Variants in CNOT3 observed in about 807,000 individuals in gnomAD.
CNOT3 encodes CCR4-associated factor 3.
Under a neutral mutation model 89.4 loss-of-function variants are expected in CNOT3, and 2 were observed. The observed-to-expected ratio is 0.02, with a 90% CI of 0.01 to 0.07. CNOT3 has a LOEUF of 0.07. Ranked by LOEUF, CNOT3 falls within the 10% of genes least tolerant of loss-of-function variation. The probability of loss-of-function intolerance (pLI) is 1.00; values close to 1 mark genes in which losing one functional copy is unlikely to be tolerated. For missense variants in CNOT3, 664 were observed against 1,010.2 expected, an observed-to-expected ratio of 0.66 and a Z score of 4.65; for synonymous variants, 486 against 402.0, an observed-to-expected ratio of 1.21 and a Z score of -2.50.
chr19:54,143,401 T>G lies in CNOT3; in HGVS notation c.94-41T>G, dbSNP rs766873994. On this transcript the variant is annotated intron_variant, in intron 3 of 17. Transcript: ENST00000221232. ...AATCACTGGAGTGGGTACTGGGACA[T>G]CCCCTCCCACACTGACTTCTCAATT... 3 of 1,578,666 alleles carry G rather than the reference T, an allele frequency of 1.9e-6. No individual in the cohort carries two copies. The East Asian group carries it at 6.7e-5, about 35-fold the overall frequency.
chr19:54,152,902 C>A lies in CNOT3; in HGVS notation c.1940C>A (p.Pro647His). ...CCCCGGAACCCCTGTCCGACGCCCC[C>A]CTACCACCACCAGATGCCACCCCCA... ...YLPRNPCPTP[P>H]YHHQMPPPHS... The change falls in exon 16 of 18, where the codon CCC becomes CAC. Residue 647 changes from proline (P) to histidine (H), a missense_variant. By Grantham distance (77) the Pro-to-His change is moderately conservative (BLOSUM62 -2). This residue lies in a region of CNOT3 where 545 missense variants were observed against 566.2 expected (regional missense o/e 0.96). Transcript: ENST00000221232. 3 of 1,576,364 alleles carry A rather than the reference C, an allele frequency of 1.9e-6. No homozygotes were observed. The highest frequency in any genetic ancestry group is 2.6e-6 in the Non-Finnish European group (3 of 1,155,410).
intron 16 of CNOT3, 99 bp from the exon 17 acceptor site, chr19:54,153,616 C>T (rs891757681): frequency 1.2e-5 from 11 of 891,540 alleles, no homozygotes; most frequent in African/African-American, 3.3e-5. Context: ...TGGTCTGTGG[C>T]GGGGGCCGGG....
At chr19:54,153,378 C>T (rs751237488) in intron 16 of CNOT3, 3 of 765,700 alleles carry the variant, frequency 3.9e-6, no homozygotes, top group Admixed American at 1.7e-5. Flanking sequence ...AGCTGTCCAG[C>T]CCCCTCCCAA....
At chr19:54,146,377 C>G (rs1374344100) in intron 9 of CNOT3, among the ~76,000 whole-genome samples, 1 of 152,238 alleles carries the variant, frequency 6.6e-6, no homozygotes, top group East Asian at 1.9e-4. Context: ...GTTCCCAGAT[C>G]CTTAAGAGGC....
At chr19:54,140,010 A>G (rs2074383530) in intron 1 of CNOT3, among the ~76,000 whole-genome samples, 1 of 152,124 alleles carries the variant, frequency 6.6e-6, no homozygotes, top group African/African-American at 2.4e-5. Context: ...CAGAGGCGGA[A>G]GCTCTCCCAG....
At chr19:54,140,650 C>G (rs927880911) in intron 1 of CNOT3, among the ~76,000 whole-genome samples, 1 of 152,170 alleles carries the variant, frequency 6.6e-6, no homozygotes, top group Non-Finnish European at 1.5e-5. Context: ...TACCCTGGGC[C>G]TCTGGCACTT....
At chr19:54,139,369 C>A (rs1279612309) in intron 1 of CNOT3, among the ~76,000 whole-genome samples, 3 of 152,150 alleles carry the variant, frequency 2.0e-5, no homozygotes, top group African/African-American at 2.4e-5. Flanking sequence ...TCTACCCTTA[C>A]GCTGGGTGTC....
Position 54,155,565 on chromosome 19 carries a change from C to T in CNOT3, c.*158C>T. The T allele has an allele frequency of 2.1e-6, 2 of 966,536 alleles. No individual in the cohort carries two copies. The highest frequency in any genetic ancestry group is 3.0e-6 in the Non-Finnish European group (2 of 660,060). The allele number at this position is 966,536 out of a possible 1,614,324, so 59.9% of individuals were successfully genotyped here. A position where few individuals can be genotyped will look rare whatever the true frequency, so the allele number is the denominator to read the frequency against. ...GGGCCGGGAGGTTTTCCTCTCAGCC[C>T]CACCCTGGGGGCCCGGGGGCGAGGG... On this transcript the variant is annotated 3_prime_UTR_variant, in exon 18 of 18. Transcript: ENST00000221232.
At position 54,146,624 on chromosome 19, in the gene CNOT3, G is replaced by A. The variant is rs1288967978; in HGVS notation, c.861G>A (p.Lys287=). 1 of 1,566,430 alleles carries A rather than the reference G, an allele frequency of 6.4e-7. No individual in the cohort carries two copies. The highest frequency in any genetic ancestry group is 8.8e-7 in the Non-Finnish European group (1 of 1,136,618). Residue 287 remains lysine (K), a synonymous_variant, in exon 10 of 18, where the codon AAG becomes AAA. Coordinates refer to ENST00000221232, the MANE Select transcript of CNOT3 (RefSeq NM_014516.4). ...CTTENSEDDK[K]RGRSTDSEVS... ...AGGAAAACTCTGAAGATGATAAGAA[G>A]AGGGGACGTTCCACAGACAGTGAAG...
chr19:54,140,492 C>A (rs2074404838), intron 1 of CNOT3, among the ~76,000 whole-genome samples: 1 of 152,204 alleles, frequency 6.6e-6, no homozygotes, highest in Admixed American at 6.5e-5. Flanking sequence ...GGCGTCTCTG[C>A]TTCGAGACTC....
At position 54,148,791 on chromosome 19, in the gene CNOT3, CAG is replaced by C. The variant is rs762271869; in HGVS notation, c.1406+53_1406+54del. On this transcript the variant is annotated intron_variant, in intron 12 of 17. Coordinates refer to ENST00000221232, the MANE Select transcript of CNOT3 (RefSeq NM_014516.4). This position sits in a 1 kb window ranked among gnomAD's most constrained non-coding sequence, Gnocchi z 6.3. ...GGGTTGGGATGGCAGCCTTTTGAAA[CAG>C]AGAGGCGCAGGCGCCTCACCCCCGC... 7.0e-6 allele frequency: 11 copies of C among 1,582,384 alleles called. No individual in the cohort carries two copies. The highest frequency in any genetic ancestry group is 1.3e-5 in the African/African-American group (1 of 74,266).
At chr19:54,140,814 C>T (rs996405515) in intron 1 of CNOT3, among the ~76,000 whole-genome samples, 2 of 152,316 alleles carry the variant, frequency 1.3e-5, no homozygotes, top group East Asian at 1.9e-4. Context: ...CCTTCTCTTG[C>T]TGCCACAGTG....
intron 1 of CNOT3, 192 bp from the exon 2 acceptor site, chr19:54,142,737 C>G: frequency 3.4e-6 from 2 of 594,026 alleles, no homozygotes; most frequent in Non-Finnish European, 6.0e-6. Context: ...CTTATGGGGT[C>G]CCCTGTTGGC....
At chr19:54,151,475 G>A (rs375917071) in intron 13 of CNOT3, among the ~76,000 whole-genome samples, 2 of 152,134 alleles carry the variant, frequency 1.3e-5, no homozygotes, top group African/African-American at 4.8e-5. Context: ...AGGCAGAGGC[G>A]GGAGGATAGC....
chr19:54,155,416 C>T lies in CNOT3; in HGVS notation c.*9C>T, dbSNP rs759780623. The T allele has an allele frequency of 2.8e-5, 44 of 1,555,898 alleles. No individual in the cohort carries two copies. Among genetic ancestry groups the T allele is most frequent in the Non-Finnish European group, 3.8e-5 (43 of 1,138,750 alleles). On this transcript the variant is annotated 3_prime_UTR_variant, in exon 18 of 18. Coordinates refer to ENST00000221232, the MANE Select transcript of CNOT3 (RefSeq NM_014516.4). ...ACCGGGACCTCCAGTGACACCGGCC[C>T]CTCCCTCTACCCACCCCCTTCCCCC...
At chr19:54,152,699 G>A in intron 15 of CNOT3, 73 bp downstream of exon 15, 1 of 1,323,976 alleles carries the variant, frequency 7.6e-7, no homozygotes, top group Admixed American at 1.7e-5. Context: ...GAACCTGTGA[G>A]GCTGTGGGTA....
intron 1 of CNOT3, chr19:54,142,583 T>G: frequency 2.8e-6 from 1 of 351,142 alleles, no homozygotes; most frequent in South Asian, 3.0e-5. Flanking sequence ...ATCCCAGTCA[T>G]CAGCTGTGTG....
chr19:54,147,864 C>T (rs2074768547), intron 10 of CNOT3, among the ~76,000 whole-genome samples: 1 of 152,180 alleles, frequency 6.6e-6, no homozygotes, highest in African/African-American at 2.4e-5. Flanking sequence ...GGCTGACAAC[C>T]TAAGTTGTGT....
At chr19:54,143,885 G>A in intron 5 of CNOT3, 121 bp from the exon 6 acceptor site, 1 of 1,485,312 alleles carries the variant, frequency 6.7e-7, no homozygotes, top group Non-Finnish European at 9.2e-7. Context: ...GGGAAGTGAA[G>A]AGGCAGCGGA....
Sources: allele counts gnomAD v4.1 joint callset (sites outside exome capture counted in the v4.1 genomes callset), GRCh38; gene constraint gnomAD v4.1.1; regional missense constraint gnomAD v4.1.1; non-coding constraint Gnocchi (gnomAD v3.1); transcripts MANE v1.5; gene names NCBI Gene and HGNC (gene_info 2026-07-23, HGNC 2026-07-21).